OR51B5: variants seen among roughly 807,000 people sequenced by gnomAD.
OR51B5 encodes the protein olfactory receptor family 51 subfamily B member 5.
For synonymous variants in OR51B5, 186 were observed against 144.8 expected (o/e 1.28, Z -2.04); for missense variants, 456 against 374.6 (o/e 1.22, Z -1.79).
intron 1 of OR51B5, among the ~76,000 whole-genome samples, chr11:5,364,185 T>G (rs969126123): frequency 1.1e-4 from 16 of 152,148 alleles, no homozygotes; most frequent in African/African-American, 3.9e-4. Flanking sequence ...GGGCAAAATA[T>G]TTTCCTAAAT....
rs560323976 is a variant in OR51B5 at position 5,477,572 on chromosome 11, G to A, written n.84+27997C>T. 2.0e-5 allele frequency among the ~76,000 whole-genome samples: 3 copies of A among 152,314 alleles called. No homozygotes were observed. The East Asian group carries it at 5.8e-4, about 29-fold the overall frequency. ...CCCAGCATGAGCAACGCAGAAGACG[G>A]GTGATTTCTGCATTTCCATCTGAGG... is the stretch of plus-strand genomic sequence containing the variant. On this transcript the variant is annotated intron_variant and non_coding_transcript_variant, in intron 1 of 4. Coordinates refer to the OR51B5 transcript ENST00000415970.
At chr11:5,440,320 T>C (rs970212839) in intron 1 of OR51B5, among the ~76,000 whole-genome samples, 2 of 152,222 alleles carry the variant, frequency 1.3e-5, no homozygotes, top group Non-Finnish European at 2.9e-5. Context: ...TCTCTTCACA[T>C]GTCTATCTGG....
At chr11:5,404,190 C>T (rs1850022529) in intron 1 of OR51B5, among the ~76,000 whole-genome samples, 1 of 150,694 alleles carries the variant, frequency 6.6e-6, no homozygotes, top group African/African-American at 2.4e-5. Context: ...GGGGGCGGAA[C>T]TTGAAGAACT....
chr11:5,468,186 T>C (rs536753740), intron 1 of OR51B5, among the ~76,000 whole-genome samples: 1 of 152,322 alleles, frequency 6.6e-6, no homozygotes, highest in East Asian at 1.9e-4. Context: ...TGAGAATTAC[T>C]TGAAAGCATA....
At chr11:5,401,615 C>T (rs769784558) in intron 1 of OR51B5, among the ~76,000 whole-genome samples, 4 of 152,172 alleles carry the variant, frequency 2.6e-5, no homozygotes, top group African/African-American at 9.7e-5. Flanking sequence ...ATGCTATAGA[C>T]CTTGTCTTTG....
intron 1 of OR51B5, among the ~76,000 whole-genome samples, chr11:5,486,517 C>T (rs1386300447): frequency 2.0e-5 from 3 of 152,104 alleles, no homozygotes; most frequent in African/African-American, 4.8e-5. Flanking sequence ...TTTGGGAGAG[C>T]TTCTCTGGAA....
At chr11:5,471,753 G>A (rs140754498) in intron 1 of OR51B5, among the ~76,000 whole-genome samples, 43 of 152,116 alleles carry the variant, frequency 2.8e-4, no homozygotes, top group Non-Finnish European at 4.7e-4. Flanking sequence ...AGCTCCCCTA[G>A]CATCTAATAA....
chr11:5,457,105 G>T (rs1850972327), intron 1 of OR51B5, among the ~76,000 whole-genome samples: 1 of 152,146 alleles, frequency 6.6e-6, no homozygotes, highest in Non-Finnish European at 1.5e-5. Flanking sequence ...GTACCCCAAA[G>T]GTAGTTTTTT....
upstream of OR51B5, among the ~76,000 whole-genome samples, chr11:5,347,122 C>A (rs970315078): frequency 1.3e-5 from 2 of 152,072 alleles, no homozygotes; most frequent in African/African-American, 2.4e-5. Flanking sequence ...CTGGTAGGAC[C>A]TTTATGTGTG....
At chr11:5,479,620 T>C (rs2133807155) in intron 1 of OR51B5, among the ~76,000 whole-genome samples, 1 of 152,114 alleles carries the variant, frequency 6.6e-6, no homozygotes, top group African/African-American at 2.4e-5. Context: ...GAAATCCATC[T>C]CATGTGCAGA....
chr11:5,425,592 T>A (rs1850436111), intron 1 of OR51B5, among the ~76,000 whole-genome samples: 1 of 152,198 alleles, frequency 6.6e-6, no homozygotes, highest in Non-Finnish European at 1.5e-5. Flanking sequence ...TGAAATAGAT[T>A]TCATTTTTGT....
chr11:5,414,863 C>T (rs1398087591), intron 1 of OR51B5, among the ~76,000 whole-genome samples: 1 of 152,174 alleles, frequency 6.6e-6, no homozygotes, highest in Non-Finnish European at 1.5e-5. Context: ...TTAGATAGAT[C>T]AACGAGACAG....
At chr11:5,341,512 T>G (rs191767354), downstream of OR51B5, 27 of 152,330 alleles carry the variant, frequency 1.8e-4, no homozygotes, top group African/African-American at 6.5e-4. Flanking sequence ...TTTGCTCTGA[T>G]TAAAGTATAA....
In OR51B5 at chr11:5,382,852, G is replaced by C. The variant is rs531344112; in HGVS notation, n.85-35942C>G. On this transcript the variant is annotated intron_variant and non_coding_transcript_variant, in intron 1 of 4. Transcript: ENST00000415970. ...ACAATGGCATGTCATAAACTTCATGGGTCTCTGTCCTGGTTTTAGATCTGT... is the reference window on the plus strand; with the variant it reads ...ACAATGGCATGTCATAAACTTCATGCGTCTCTGTCCTGGTTTTAGATCTGT... Among the ~76,000 whole-genome samples, 249 of 152,092 alleles carry C rather than the reference G, an allele frequency of 1.6e-3. 2 individuals are homozygous for C. Among genetic ancestry groups the C allele is most frequent in the African/African-American group, 5.9e-3 (244 of 41,508 alleles).
rs1266457041 is a variant in OR51B5, at chr11:5,447,219, CT to C, written n.84+58349del. Among the ~76,000 whole-genome samples the C allele has an allele frequency of 2.6e-5, 4 of 152,196 alleles. No individual in the cohort carries two copies. In the South Asian group the frequency reaches 6.2e-4, roughly 24 times the overall value. ...AAGTCCACTCCTGACTCTTTTGTGACTCTTTATATCACACCTATCCAATCAT... is the reference window on the plus strand; with the variant it reads ...AAGTCCACTCCTGACTCTTTTGTGACCTTTATATCACACCTATCCAATCAT... On this transcript the variant is annotated intron_variant and non_coding_transcript_variant, in intron 1 of 4. Coordinates refer to the OR51B5 transcript ENST00000415970.
At position 5,407,540 on chromosome 11, in the gene OR51B5, G is replaced by A. The variant is rs542103996; in HGVS notation, n.85-60630C>T. Among the ~76,000 whole-genome samples the A allele has an allele frequency of 5.3e-5, 8 of 151,958 alleles. No homozygotes were observed. In the East Asian group the frequency reaches 1.3e-3, roughly 26 times the overall value. On this transcript the variant is annotated intron_variant and non_coding_transcript_variant, in intron 1 of 4. Coordinates refer to the OR51B5 transcript ENST00000415970. ...TTCATTTTTTGAAGATTTCTCACCC[G>A]CTTTTGATTTCTCACACATTATGCT... is the stretch of plus-strand genomic sequence containing the variant.
At chr11:5,472,319 T>A (rs1187782391) in intron 1 of OR51B5, among the ~76,000 whole-genome samples, 2 of 152,142 alleles carry the variant, frequency 1.3e-5, no homozygotes, top group Non-Finnish European at 2.9e-5. Flanking sequence ...CTAAAGGATT[T>A]CGAAGCTATG....
chr11:5,351,100 A>T (rs1252722510), intron 1 of OR51B5, among the ~76,000 whole-genome samples: 2 of 152,194 alleles, frequency 1.3e-5, no homozygotes, highest in Non-Finnish European at 2.9e-5. Flanking sequence ...TCCACCCTAT[A>T]ATACCACCAG....
chr11:5,401,884 C>CTCTG, intron 1 of OR51B5, among the ~76,000 whole-genome samples: 1 of 143,748 alleles, frequency 7.0e-6, no homozygotes, highest in African/African-American at 2.6e-5. Context: ...TTCCTTTTCT[C>CTCTG]TCTCTTCCTT....
Sources: allele counts gnomAD v4.1 joint callset (sites outside exome capture counted in the v4.1 genomes callset), GRCh38; gene constraint gnomAD v4.1.1; transcripts MANE v1.5; gene names NCBI Gene and HGNC (gene_info 2026-07-23, HGNC 2026-07-21).